COMMD1: variants seen among roughly 807,000 people sequenced by gnomAD.
The protein encoded by COMMD1 is copper metabolism domain containing 1, also known as COMM domain-containing protein 1.
In COMMD1, 10 loss-of-function variants were observed where a neutral mutation model predicts 17.2. The observed-to-expected ratio is 0.58, with a 90% CI of 0.36 to 0.99. The LOEUF is 0.99. COMMD1 is among the 50% of genes least tolerant of loss of function. The pLI, the probability that COMMD1 is intolerant of heterozygous loss-of-function variation, is 0.01. For missense variants in COMMD1, 270 were observed against 231.8 expected (o/e 1.17, Z -1.07); for synonymous variants, 97 against 91.6 (o/e 1.06, Z -0.34).
intron 1 of COMMD1, among the ~76,000 whole-genome samples, chr2:61,951,965 G>C (rs1009010511): frequency 3.9e-5 from 6 of 152,106 alleles, no homozygotes; most frequent in African/African-American, 1.4e-4. Flanking sequence ...TGTATCAATA[G>C]TTCATTCCTT....
At chr2:61,897,574 C>T (rs1424781951) in intron 1 of COMMD1, among the ~76,000 whole-genome samples, 1 of 152,080 alleles carries the variant, frequency 6.6e-6, no homozygotes. Flanking sequence ...ATGATGAAAT[C>T]CCGTCTGTAC....
At chr2:62,106,353 G>A (rs1672324337) in intron 2 of COMMD1, among the ~76,000 whole-genome samples, 1 of 152,130 alleles carries the variant, frequency 6.6e-6, no homozygotes, top group Non-Finnish European at 1.5e-5. Context: ...AACATTCTCT[G>A]TGTTCTACTC....
At chr2:62,104,709 C>A (rs1311630335) in intron 2 of COMMD1, among the ~76,000 whole-genome samples, 1 of 151,728 alleles carries the variant, frequency 6.6e-6, no homozygotes, top group East Asian at 1.9e-4. Flanking sequence ...GTTCTTCCCA[C>A]CAGCCAGTAA....
intron 2 of COMMD1, among the ~76,000 whole-genome samples, chr2:62,120,651 GA>G (rs1036133295): frequency 1.3e-5 from 2 of 152,164 alleles, no homozygotes; most frequent in Non-Finnish European, 2.9e-5. Flanking sequence ...CATCAAGCCA[GA>G]ACACCTAAAA....
intron 2 of COMMD1, among the ~76,000 whole-genome samples, chr2:62,063,588 A>T (rs72803333): frequency 0.017 from 2,524 of 152,272 alleles, 34 homozygotes; most frequent in South Asian, 0.029. Flanking sequence ...TTCTTAGAGT[A>T]GCGTTGCTAC....
intron 1 of COMMD1, among the ~76,000 whole-genome samples, chr2:61,938,198 C>T (rs1670650550): frequency 6.6e-6 from 1 of 151,626 alleles, no homozygotes; most frequent in African/African-American, 2.4e-5. Context: ...CCTGATGGTC[C>T]ACACCTGTTA....
intron 2 of COMMD1, among the ~76,000 whole-genome samples, chr2:62,041,295 T>C (rs1670188429): frequency 6.6e-6 from 1 of 152,228 alleles, no homozygotes; most frequent in South Asian, 2.1e-4. Flanking sequence ...TTGTTAATAA[T>C]GAAAACTACT....
At chr2:61,931,383 A>G (rs747278496) in intron 1 of COMMD1, among the ~76,000 whole-genome samples, 10 of 152,016 alleles carry the variant, frequency 6.6e-5, no homozygotes, top group Non-Finnish European at 1.3e-4. Flanking sequence ...CAATATGCTG[A>G]TAGACAAGTT....
At chr2:61,999,222 G>C (rs910415534) in intron 1 of COMMD1, among the ~76,000 whole-genome samples, 2 of 152,198 alleles carry the variant, frequency 1.3e-5, no homozygotes, top group Non-Finnish European at 2.9e-5. Flanking sequence ...ATGTGAAAAT[G>C]CTATGGTATG....
chr2:61,906,125 G>A (rs977626177), intron 1 of COMMD1, among the ~76,000 whole-genome samples: 1 of 152,166 alleles, frequency 6.6e-6, no homozygotes, highest in South Asian at 2.1e-4. Context: ...AGACATTTCT[G>A]TCTCTTGGTA....
rs146520258 is a variant in COMMD1 at position 61,978,684 on chromosome 2, T to C, written c.181-22017T>C. 2.9e-3 allele frequency among the ~76,000 whole-genome samples: 449 copies of C among 152,242 alleles called. 1 individual carries two copies. Among genetic ancestry groups the C allele is most frequent in the African/African-American group, 0.01 (429 of 41,540 alleles). ...CTGACTGGCAGTTTAATGCTTGCTA[T>C]TGACTGGGAGCTCAGCCAAGACTGA... is the stretch of plus-strand genomic sequence containing the variant. On this transcript the variant is annotated intron_variant, in intron 1 of 2. Coordinates refer to ENST00000311832, the MANE Select transcript of COMMD1 (RefSeq NM_152516.4).
At chr2:61,896,954 C>T (rs796533663) in intron 1 of COMMD1, among the ~76,000 whole-genome samples, 12 of 151,808 alleles carry the variant, frequency 7.9e-5, no homozygotes, top group South Asian at 6.2e-4. Flanking sequence ...TTCAGCCTCC[C>T]GAGTAGCTGG....
intron 2 of COMMD1, among the ~76,000 whole-genome samples, chr2:62,013,773 A>T (rs546134776): frequency 6.6e-6 from 1 of 152,308 alleles, no homozygotes; most frequent in South Asian, 2.1e-4. Flanking sequence ...ATAATTTGGT[A>T]ATTCTAGTCA....
intron 2 of COMMD1, among the ~76,000 whole-genome samples, chr2:62,073,358 C>T (rs1216965847): frequency 1.3e-5 from 2 of 152,190 alleles, no homozygotes; most frequent in African/African-American, 4.8e-5. Flanking sequence ...AGGCCTGCTA[C>T]CCATGAGGCT....
intron 2 of COMMD1, among the ~76,000 whole-genome samples, chr2:62,097,423 C>T (rs1330039938): frequency 6.6e-6 from 1 of 152,028 alleles, no homozygotes; most frequent in Non-Finnish European, 1.5e-5. Flanking sequence ...AAGAGTTTGC[C>T]CATAGGGAGT....
At chr2:61,932,059 A>G (rs992421321) in intron 1 of COMMD1, among the ~76,000 whole-genome samples, 1 of 152,122 alleles carries the variant, frequency 6.6e-6, no homozygotes, top group African/African-American at 2.4e-5. Flanking sequence ...CAGTGGCGTG[A>G]TCTCAGCTCA....
chr2:62,027,492 C>A (rs1451445602), intron 2 of COMMD1, among the ~76,000 whole-genome samples: 2 of 152,264 alleles, frequency 1.3e-5, no homozygotes, highest in African/African-American at 4.8e-5. Context: ...TTACTGGCAA[C>A]ACTGGAACAC....
chr2:62,100,381 A>T (rs548845138), intron 2 of COMMD1: 1 of 152,324 alleles, frequency 6.6e-6, no homozygotes, highest in African/African-American at 2.4e-5. Flanking sequence ...GCCAAATATG[A>T]GTGACCGTGG....
chr2:62,013,121 T>G (rs748566014), intron 2 of COMMD1, among the ~76,000 whole-genome samples: 1 of 152,180 alleles, frequency 6.6e-6, no homozygotes, highest in Non-Finnish European at 1.5e-5. Flanking sequence ...AATGGATTTC[T>G]GGGATCTCAG....
Sources: gnomAD v4.1 joint callset for allele counts (sites outside exome capture counted in the v4.1 genomes callset) on GRCh38, gnomAD v4.1.1 for gene constraint, MANE v1.5 for transcripts, NCBI Gene and HGNC (gene_info 2026-07-23, HGNC 2026-07-21) for gene names.